Variants in TACR3 observed in about 807,000 individuals in gnomAD.
TACR3 encodes the protein neuromedin-K receptor.
Under a neutral mutation model 35.0 loss-of-function variants are expected in TACR3, and 34 were observed. That is an observed-to-expected ratio of 0.97 (90% CI 0.74 to 1.30). The LOEUF (loss-of-function observed/expected upper bound fraction) is 1.30, where lower values mean the gene tolerates loss of function less well. TACR3 is among the 50% of genes most tolerant of loss of function. The probability of loss-of-function intolerance (pLI) is 0.00; values close to 1 mark genes in which losing one functional copy is unlikely to be tolerated. For synonymous variants in TACR3, 233 were observed against 221.1 expected (o/e 1.05, Z -0.48); for missense variants, 558 against 591.7 (o/e 0.94, Z 0.59).
chr4:103,586,738 C>T lies in TACR3; in HGVS notation c.*2944G>A, dbSNP rs1723779062. ...GAAGTTAGAAGATGGAATAATGCAA[C>T]AGTGTGCTGTACTTGGTAAAAAATA... On this transcript the variant is annotated 3_prime_UTR_variant, in exon 5 of 5. Coordinates refer to ENST00000304883, the MANE Select transcript of TACR3 (RefSeq NM_001059.3). The T allele has an allele frequency of 6.6e-6, 1 of 151,418 alleles. No homozygotes were observed. Among genetic ancestry groups the T allele is most frequent in the African/African-American group, 2.4e-5 (1 of 40,896 alleles). The allele number at this position is 151,418 out of a possible 1,614,324, so 9.4% of individuals were successfully genotyped here.
At chr4:103,642,243 A>G (rs1276700402) in intron 3 of TACR3, among the ~76,000 whole-genome samples, 1 of 151,220 alleles carries the variant, frequency 6.6e-6, no homozygotes, top group Non-Finnish European at 1.5e-5. Flanking sequence ...TTGTATATAT[A>G]TAATCACATC....
intron 1 of TACR3, among the ~76,000 whole-genome samples, chr4:103,710,296 T>G (rs1257859387): frequency 6.6e-6 from 1 of 152,128 alleles, no homozygotes; most frequent in East Asian, 1.9e-4. Flanking sequence ...ACAGAAATTA[T>G]AGCAAACTGT....
intron 3 of TACR3, among the ~76,000 whole-genome samples, chr4:103,608,227 C>T (rs1724430516): frequency 6.6e-6 from 1 of 151,962 alleles, no homozygotes; most frequent in African/African-American, 2.4e-5. Flanking sequence ...ACTACATAGC[C>T]ATAAAAGTAT....
intron 3 of TACR3, among the ~76,000 whole-genome samples, chr4:103,603,498 G>A (rs889392790): frequency 6.6e-6 from 1 of 152,182 alleles, no homozygotes; most frequent in Non-Finnish European, 1.5e-5. Context: ...CACGCTGGGC[G>A]AACTTATCCT....
intron 1 of TACR3, among the ~76,000 whole-genome samples, chr4:103,673,390 G>A (rs1378201996): frequency 6.6e-6 from 1 of 152,116 alleles, no homozygotes; most frequent in Non-Finnish European, 1.5e-5. Flanking sequence ...ACATTGTATG[G>A]TTATTAATTG....
chr4:103,619,221 A>C (rs559747431), intron 3 of TACR3, among the ~76,000 whole-genome samples: 2 of 151,736 alleles, frequency 1.3e-5, no homozygotes, highest in African/African-American at 4.8e-5. Flanking sequence ...ACGGAGTCTC[A>C]CTCTGTCACC....
intron 1 of TACR3, among the ~76,000 whole-genome samples, chr4:103,704,495 C>A (rs1383701812): frequency 6.6e-6 from 1 of 152,166 alleles, no homozygotes; most frequent in Non-Finnish European, 1.5e-5. Flanking sequence ...AGGAAACTTA[C>A]AGTCATGGCA....
intron 1 of TACR3, among the ~76,000 whole-genome samples, chr4:103,663,996 G>A (rs1725887185): frequency 1.3e-5 from 2 of 152,138 alleles, no homozygotes; most frequent in African/African-American, 4.8e-5. Context: ...TCCTTCACCA[G>A]ATTCTTAAAG....
chr4:103,655,540 C>A (rs916482171), intron 3 of TACR3, among the ~76,000 whole-genome samples: 2 of 151,958 alleles, frequency 1.3e-5, no homozygotes, highest in Non-Finnish European at 2.9e-5. Flanking sequence ...GAAAAAATCT[C>A]AATAAAATAA....
At chr4:103,662,505 C>G (rs1725854172) in intron 1 of TACR3, among the ~76,000 whole-genome samples, 1 of 152,154 alleles carries the variant, frequency 6.6e-6, no homozygotes, top group Non-Finnish European at 1.5e-5. Context: ...CAGGCATGAG[C>G]CACCGCCCCA....
At chr4:103,613,024 A>G (rs1278979747) in intron 3 of TACR3, among the ~76,000 whole-genome samples, 1 of 152,224 alleles carries the variant, frequency 6.6e-6, no homozygotes, top group African/African-American at 2.4e-5. Flanking sequence ...AGAGTGTTAT[A>G]AAGTTTCCCT....
rs563634174 is a variant in TACR3 at position 103,662,413 on chromosome 4, G to A, written c.549-4010C>T. Among the ~76,000 whole-genome samples, 35 of 152,126 alleles carry A rather than the reference G, an allele frequency of 2.3e-4. 1 individual carries two copies. In the South Asian group the frequency reaches 6.4e-3, roughly 28 times the overall value. On this transcript the variant is annotated intron_variant, in intron 1 of 4. Coordinates refer to ENST00000304883, the MANE Select transcript of TACR3 (RefSeq NM_001059.3). ...TTTTTGTATTTTTAGTAGAGAGGGG[G>A]TTTCCCATATTGGTTAGGCTGGTCT... is the stretch of plus-strand genomic sequence containing the variant.
intron 3 of TACR3, among the ~76,000 whole-genome samples, chr4:103,626,538 T>C (rs374317726): frequency 1.3e-5 from 2 of 152,252 alleles, no homozygotes; most frequent in East Asian, 3.9e-4. Flanking sequence ...AAATATGCCA[T>C]GGAGATTTGC....
intron 1 of TACR3, among the ~76,000 whole-genome samples, chr4:103,679,152 G>A (rs534268410): frequency 6.6e-6 from 1 of 152,116 alleles, no homozygotes; most frequent in African/African-American, 2.4e-5. Flanking sequence ...GTAAATACAG[G>A]AAATTAAAGT....
chr4:103,719,440 A>T lies in TACR3; in HGVS notation c.236T>A (p.Val79Glu), dbSNP rs755212834. The stretch of plus-strand genomic sequence containing the variant: ...GAGCGCGATGCGCCAGGACGGCTGC[A>T]CGAACTGGTTGGTGAGGTTGGCCCA... ...QPWANLTNQF[V>E]QPSWRIALWS... The change falls in exon 1 of 5, where the codon GTG (valine) becomes GAG (glutamate). Residue 79 changes from valine to glutamate, a missense_variant. Transcript: ENST00000304883. 2 of 1,614,258 alleles carry T rather than the reference A, an allele frequency of 1.2e-6. No homozygotes were observed. The highest frequency in any genetic ancestry group is 2.2e-5 in the South Asian group (2 of 91,092).
intron 3 of TACR3, among the ~76,000 whole-genome samples, chr4:103,613,573 C>A (rs1425256386): frequency 6.6e-6 from 1 of 151,996 alleles, no homozygotes; most frequent in African/African-American, 2.4e-5. Flanking sequence ...GTGATCTGCC[C>A]ACCTTGGCCT....
chr4:103,684,071 T>A (rs894913330), intron 1 of TACR3, among the ~76,000 whole-genome samples: 3 of 152,014 alleles, frequency 2.0e-5, no homozygotes, highest in Non-Finnish European at 4.4e-5. Flanking sequence ...TAGAAGACAA[T>A]GTCCTAAATC....
chr4:103,595,449 A>G (rs1165358407), intron 3 of TACR3, among the ~76,000 whole-genome samples: 2 of 152,192 alleles, frequency 1.3e-5, no homozygotes, highest in East Asian at 1.9e-4. Flanking sequence ...GAATCTAACT[A>G]CGTAGGCAGG....
chr4:103,684,492 A>G (rs1578256465), intron 1 of TACR3, among the ~76,000 whole-genome samples: 1 of 152,312 alleles, frequency 6.6e-6, no homozygotes, highest in South Asian at 2.1e-4. Flanking sequence ...GCATGTAGCT[A>G]TCAAAACATG....
Sources: gnomAD v4.1 joint callset for allele counts (sites outside exome capture counted in the v4.1 genomes callset) on GRCh38, gnomAD v4.1.1 for gene constraint, MANE v1.5 for transcripts, NCBI Gene and HGNC (gene_info 2026-07-23, HGNC 2026-07-21) for gene names.